Variants in PDZRN3 observed in about 807,000 individuals in gnomAD.
PDZRN3 encodes PDZ domain containing ring finger 3.
Under a neutral mutation model 85.7 loss-of-function variants are expected in PDZRN3, and 38 were observed. The observed-to-expected ratio is 0.44, with a 90% CI of 0.34 to 0.58. PDZRN3 has a LOEUF of 0.58. PDZRN3 is among the 20% of genes least tolerant of loss of function. The pLI is 0.01. For missense variants in PDZRN3, 1,629 were observed against 1,506.4 expected (o/e 1.08, Z -1.35); for synonymous variants, 759 against 638.0 (o/e 1.19, Z -2.86).
intron 5 of PDZRN3, among the ~76,000 whole-genome samples, chr3:73,391,999 G>A (rs137899488): frequency 4.6e-5 from 7 of 152,298 alleles, no homozygotes; most frequent in African/African-American, 1.7e-4. Context: ...TGGGGTCTTC[G>A]TGCCACTTTA....
At chr3:73,410,471 C>T (rs1701943995) in intron 3 of PDZRN3, among the ~76,000 whole-genome samples, 1 of 152,174 alleles carries the variant, frequency 6.6e-6, no homozygotes, top group African/African-American at 2.4e-5. Flanking sequence ...GCAGTTTGTC[C>T]ATGGTATTTT....
At chr3:73,571,683 AGAG>A (rs1162085513) in intron 3 of PDZRN3, among the ~76,000 whole-genome samples, 2 of 152,176 alleles carry the variant, frequency 1.3e-5, no homozygotes, top group Non-Finnish European at 2.9e-5. Context: ...TCCTGCCCCC[AGAG>A]AAGAGCCTGG....
intron 3 of PDZRN3, among the ~76,000 whole-genome samples, chr3:73,474,905 G>C (rs1396462966): frequency 6.6e-6 from 1 of 152,106 alleles, no homozygotes; most frequent in Non-Finnish European, 1.5e-5. Context: ...ATTAATGGAG[G>C]GTTGTGGGGT....
At chr3:73,552,620 G>C (rs561803276) in intron 3 of PDZRN3, among the ~76,000 whole-genome samples, 7 of 152,284 alleles carry the variant, frequency 4.6e-5, no homozygotes, top group Admixed American at 2.6e-4. Context: ...CAGAACTTAA[G>C]AGAAATGTGA....
chr3:73,416,876 GTTTTTTTTTTTT>G (rs146381615), intron 3 of PDZRN3, among the ~76,000 whole-genome samples: 26 of 110,394 alleles, frequency 2.4e-4, no homozygotes, highest in Middle Eastern at 5.4e-3. Context: ...TTTTTTTTTG[GTTTTTTTTTTTT>G]TTTTTTTTTT....
chr3:73,536,433 G>A (rs899592825), intron 3 of PDZRN3, among the ~76,000 whole-genome samples: 52 of 152,190 alleles, frequency 3.4e-4, no homozygotes, highest in African/African-American at 1.2e-3. Flanking sequence ...AGGCATCACT[G>A]CTGCTAAGGC....
At chr3:73,398,930 A>AAATAG (rs1701694413) in intron 5 of PDZRN3, among the ~76,000 whole-genome samples, 3 of 152,184 alleles carry the variant, frequency 2.0e-5, no homozygotes, top group Admixed American at 2.0e-4. Context: ...AATTAAAGAG[A>AAATAG]AATAGAAAGC....
Position 73,383,204 on chromosome 3 carries a change from A to G in PDZRN3, c.*161T>C. The G allele has an allele frequency of 1.6e-6, 1 of 609,222 alleles. No individual in the cohort carries two copies. Among genetic ancestry groups the G allele is most frequent in the East Asian group, 2.8e-5 (1 of 36,276 alleles). The allele number at this position is 609,222 out of a possible 1,614,324, so 37.7% of individuals were successfully genotyped here. A position where few individuals can be genotyped will look rare whatever the true frequency, so the allele number is the denominator to read the frequency against. ...GGTGTTTTTCTCTCTCTTCCCTTAA[A>G]ATAGACCTATGACACCCAGAGTTGT... On this transcript the variant is annotated 3_prime_UTR_variant, in exon 10 of 10. Transcript: ENST00000263666.
chr3:73,402,094 C>CA (rs1173949828), intron 4 of PDZRN3, among the ~76,000 whole-genome samples: 2 of 152,214 alleles, frequency 1.3e-5, no homozygotes, highest in African/African-American at 4.8e-5. Context: ...AGTCCCGACA[C>CA]ACGCTCTTGC....
At chr3:73,520,549 T>A (rs1488923864) in intron 3 of PDZRN3, among the ~76,000 whole-genome samples, 1 of 152,156 alleles carries the variant, frequency 6.6e-6, no homozygotes, top group Admixed American at 6.5e-5. Context: ...TAAAAGACTC[T>A]TTGAATAGAA....
At chr3:73,442,605 A>T (rs1702661347) in intron 3 of PDZRN3, among the ~76,000 whole-genome samples, 1 of 152,212 alleles carries the variant, frequency 6.6e-6, no homozygotes, top group African/African-American at 2.4e-5. Flanking sequence ...GTGAGAGGTC[A>T]CAAACTCTAT....
intron 3 of PDZRN3, among the ~76,000 whole-genome samples, chr3:73,411,853 A>G (rs545023285): frequency 1.3e-5 from 2 of 152,346 alleles, no homozygotes; most frequent in African/African-American, 4.8e-5. Flanking sequence ...TGACACTTTA[A>G]TCATGATAAA....
chr3:73,431,684 G>C (rs899860428), intron 3 of PDZRN3, among the ~76,000 whole-genome samples: 2 of 152,186 alleles, frequency 1.3e-5, no homozygotes, highest in African/African-American at 4.8e-5. Context: ...TGAGTTTCTT[G>C]AAAATAAATC....
intron 3 of PDZRN3, among the ~76,000 whole-genome samples, chr3:73,494,569 C>T (rs975703307): frequency 5.9e-5 from 9 of 152,114 alleles, no homozygotes; most frequent in South Asian, 2.1e-4. Flanking sequence ...TCATAACTTA[C>T]GGAAGAGTAT....
chr3:73,526,354 C>CTGTATGAG (rs1157592452), intron 3 of PDZRN3, among the ~76,000 whole-genome samples: 1 of 152,048 alleles, frequency 6.6e-6, no homozygotes, highest in Non-Finnish European at 1.5e-5. Flanking sequence ...ATTCTCATAC[C>CTGTATGAG]AACCCATCAA....
chr3:73,526,479 C>A (rs78954128), intron 3 of PDZRN3, among the ~76,000 whole-genome samples: 1 of 152,164 alleles, frequency 6.6e-6, no homozygotes, highest in Non-Finnish European at 1.5e-5. Context: ...ATCTCCATTA[C>A]ATCTCTCCTG....
At chr3:73,536,223 A>T (rs952665008) in intron 3 of PDZRN3, among the ~76,000 whole-genome samples, 1 of 152,234 alleles carries the variant, frequency 6.6e-6, no homozygotes, top group Non-Finnish European at 1.5e-5. Context: ...CATCCCAGAG[A>T]TGTTGAAAGC....
rs1203929659 is a variant in PDZRN3, at chr3:73,624,375, T to A, written c.451A>T (p.Thr151Ser). The A allele has an allele frequency of 3.8e-6, 5 of 1,310,612 alleles. No homozygotes were observed. Among genetic ancestry groups the A allele is most frequent in the African/African-American group, 1.6e-5 (1 of 63,932 alleles). 81.2% of individuals were successfully genotyped at this position (1,310,612 alleles called of 1,614,324 possible). A position where few individuals can be genotyped will look rare whatever the true frequency, so the allele number is the denominator to read the frequency against. ...CCGCCCGCGCGCTGCTCGCCGTGCG[T>A]CAAGGGTAGCCCGCAGCCCTCCTGG... ...RCQEGCGLPL[T>S]HGEQRAGGHC... is the part of the protein sequence containing the mutation. The change falls in exon 1 of 10, where the codon ACG (threonine) becomes TCG (serine). Residue 151 changes from threonine (T) to serine (S), a missense_variant. Transcript: ENST00000263666.
chr3:73,449,271 G>A (rs141507694), intron 3 of PDZRN3, among the ~76,000 whole-genome samples: 1 of 152,036 alleles, frequency 6.6e-6, no homozygotes, highest in Non-Finnish European at 1.5e-5. Flanking sequence ...CAAACTCGGC[G>A]AGGAACTCCA....
Sources: allele counts gnomAD v4.1 joint callset (sites outside exome capture counted in the v4.1 genomes callset), GRCh38; gene constraint gnomAD v4.1.1; transcripts MANE v1.5; gene names NCBI Gene and HGNC (gene_info 2026-07-23, HGNC 2026-07-21).